LTBP1: variants seen among roughly 807,000 people sequenced by gnomAD.
LTBP1 encodes the protein latent transforming growth factor beta binding protein 1, also known as latent-transforming growth factor beta-binding protein 1.
In LTBP1, 129 loss-of-function variants were observed where a neutral mutation model predicts 207.6. The ratio of observed to expected loss-of-function variants is 0.62; its 90% CI spans 0.54 to 0.72. LTBP1 has a LOEUF of 0.72. Ranked by LOEUF, LTBP1 falls within the 30% of genes least tolerant of loss-of-function variation. LTBP1 has a pLI of 0.00. For synonymous variants in LTBP1, 963 were observed against 833.7 expected (o/e 1.16, Z -2.67); for missense variants, 2,281 against 2,217.2 (o/e 1.03, Z -0.58).
chr2:33,353,056 A>T (rs2094804997), intron 26 of LTBP1, among the ~76,000 whole-genome samples: 1 of 139,586 alleles, frequency 7.2e-6, no homozygotes, highest in African/African-American at 2.7e-5. Context: ...TTGGCTCATC[A>T]CAACCTCCAC....
chr2:32,957,233 T>C (rs1678233503), intron 2 of LTBP1, among the ~76,000 whole-genome samples: 1 of 152,208 alleles, frequency 6.6e-6, no homozygotes, highest in African/African-American at 2.4e-5. Context: ...CTCCTCAGTT[T>C]TCTTCAAGAA....
At chr2:33,173,331 C>T (rs376928491) in intron 5 of LTBP1, among the ~76,000 whole-genome samples, 1 of 151,394 alleles carries the variant, frequency 6.6e-6, no homozygotes, top group Admixed American at 6.6e-5. Context: ...ATATCACCAC[C>T]GATCCCACAG....
chr2:33,263,739 G>A (rs575491883), intron 15 of LTBP1, among the ~76,000 whole-genome samples: 222 of 152,084 alleles, frequency 1.5e-3, no homozygotes, highest in Non-Finnish European at 2.5e-3. Context: ...AGATCACAAG[G>A]TCAAGAGATC....
At chr2:33,164,132 C>T (rs60692621) in intron 5 of LTBP1, among the ~76,000 whole-genome samples, 63,905 of 151,274 alleles carry the variant, frequency 0.42, 14,426 homozygotes, top group Non-Finnish European at 0.5. Context: ...GGGCAGATCA[C>T]GAGTTCAGGA....
chr2:33,307,721 C>A (rs2094121172), intron 22 of LTBP1, among the ~76,000 whole-genome samples: 1 of 152,162 alleles, frequency 6.6e-6, no homozygotes, highest in Non-Finnish European at 1.5e-5. Context: ...AAGTTGAGAA[C>A]CTGCCTTAGT....
At chr2:33,045,079 T>TGAGCA (rs2076381464) in intron 3 of LTBP1, among the ~76,000 whole-genome samples, 1 of 152,230 alleles carries the variant, frequency 6.6e-6, no homozygotes, top group African/African-American at 2.4e-5. Flanking sequence ...TTCACTCTGA[T>TGAGCA]GATAGTTTCT....
intron 3 of LTBP1, among the ~76,000 whole-genome samples, chr2:33,097,355 T>A (rs1301131630): frequency 1.3e-5 from 2 of 152,212 alleles, no homozygotes; most frequent in African/African-American, 4.8e-5. Flanking sequence ...TGTAAAGTTC[T>A]AGTATTTTTC....
intron 25 of LTBP1, among the ~76,000 whole-genome samples, chr2:33,346,090 G>C (rs2094697233): frequency 6.6e-6 from 1 of 152,118 alleles, no homozygotes; most frequent in African/African-American, 2.4e-5. Context: ...AAAACATTTA[G>C]CAAAATAGAA....
At chr2:33,310,372 G>A (rs983399858) in intron 23 of LTBP1, among the ~76,000 whole-genome samples, 1 of 152,284 alleles carries the variant, frequency 6.6e-6, no homozygotes, top group East Asian at 1.9e-4. Flanking sequence ...TGCATGAAGG[G>A]TACTAATGAA....
At chr2:33,111,967 T>G (rs1052656860) in intron 4 of LTBP1, among the ~76,000 whole-genome samples, 1 of 152,236 alleles carries the variant, frequency 6.6e-6, no homozygotes, top group Non-Finnish European at 1.5e-5. Flanking sequence ...GAGCCGTTTC[T>G]CTTAAGTGAA....
intron 3 of LTBP1, among the ~76,000 whole-genome samples, chr2:33,056,715 G>A (rs529619633): frequency 1.3e-5 from 2 of 151,904 alleles, no homozygotes; most frequent in Admixed American, 6.6e-5. Flanking sequence ...GCAGACCTTC[G>A]TGGTGAGTGT....
chr2:33,097,187 G>A (rs1009564787), intron 3 of LTBP1, among the ~76,000 whole-genome samples: 2 of 152,060 alleles, frequency 1.3e-5, no homozygotes, highest in Non-Finnish European at 2.9e-5. Context: ...ATCCACCGTG[G>A]TCTCTAAACT....
chr2:33,088,544 C>A (rs184604451), intron 3 of LTBP1, among the ~76,000 whole-genome samples: 1 of 152,106 alleles, frequency 6.6e-6, no homozygotes, highest in African/African-American at 2.4e-5. Context: ...CACATGCTGA[C>A]GCCTGCATGT....
At chr2:33,361,368 G>C in intron 27 of LTBP1, 61 bp from the exon 28 acceptor site, 1 of 1,101,974 alleles carries the variant, frequency 9.1e-7, no homozygotes, top group Non-Finnish European at 1.3e-6. Flanking sequence ...AACTGAATTT[G>C]AAACATGCAT....
chr2:33,193,300 C>T (rs948615506), intron 7 of LTBP1, among the ~76,000 whole-genome samples: 12 of 152,086 alleles, frequency 7.9e-5, no homozygotes, highest in Non-Finnish European at 1.2e-4. Flanking sequence ...CACCACCACA[C>T]CCAGCTAATT....
intron 19 of LTBP1, among the ~76,000 whole-genome samples, chr2:33,290,018 C>A (rs1245146214): frequency 1.3e-5 from 2 of 152,144 alleles, no homozygotes; most frequent in Non-Finnish European, 1.5e-5. Flanking sequence ...TGGAGACTGG[C>A]AAATTCAAGA....
intron 3 of LTBP1, among the ~76,000 whole-genome samples, chr2:33,051,793 C>G (rs937779256): frequency 1.3e-5 from 2 of 152,166 alleles, no homozygotes; most frequent in Admixed American, 6.5e-5. Flanking sequence ...ATGTCTGCTT[C>G]TACATCTTGC....
intron 32 of LTBP1, among the ~76,000 whole-genome samples, chr2:33,394,780 C>G (rs888476195): frequency 6.6e-6 from 1 of 152,166 alleles, no homozygotes; most frequent in Non-Finnish European, 1.5e-5. Flanking sequence ...ATTGTCTTGG[C>G]AATGCAGGCT....
intron 3 of LTBP1, among the ~76,000 whole-genome samples, chr2:33,102,390 A>ATT (rs1444201846): frequency 2.6e-5 from 4 of 152,180 alleles, no homozygotes; most frequent in Non-Finnish European, 5.9e-5. Flanking sequence ...GTCTCCAGAC[A>ATT]TTGCCAAGTG....
Sources: allele counts gnomAD v4.1 joint callset (sites outside exome capture counted in the v4.1 genomes callset), GRCh38; gene constraint gnomAD v4.1.1; transcripts MANE v1.5; gene names NCBI Gene and HGNC (gene_info 2026-07-23, HGNC 2026-07-21).